The following IFI44 variants were observed in gnomAD, a reference collection of about 807,000 sequenced individuals.
IFI44 encodes interferon induced protein 44.
Under a neutral mutation model 45.0 loss-of-function variants are expected in IFI44, and 42 were observed. That is an observed-to-expected ratio of 0.93 (90% CI 0.73 to 1.21). The LOEUF (loss-of-function observed/expected upper bound fraction) is 1.21. IFI44 is among the 50% of genes most tolerant of loss of function. IFI44 has a pLI of 0.00. For synonymous variants in IFI44, 221 were observed against 188.6 expected (o/e 1.17, Z -1.41); for missense variants, 623 against 525.8 (o/e 1.18, Z -1.81).
intron 2 of IFI44, among the ~76,000 whole-genome samples, chr1:78,651,910 A>C (rs1647130225): frequency 6.6e-6 from 1 of 152,166 alleles, no homozygotes; most frequent in South Asian, 2.1e-4. Context: ...GAGTACTTAG[A>C]TATTCTGTGT....
chr1:78,656,507 G>A (rs1021256126), intron 5 of IFI44, among the ~76,000 whole-genome samples: 5 of 152,004 alleles, frequency 3.3e-5, no homozygotes, highest in Non-Finnish European at 4.4e-5. Context: ...TTTCATGACA[G>A]CATTTTAATT....
At chr1:78,656,645 T>G (rs2100455688) in intron 5 of IFI44, among the ~76,000 whole-genome samples, 1 of 151,992 alleles carries the variant, frequency 6.6e-6, no homozygotes, top group East Asian at 1.9e-4. Flanking sequence ...TTTTCATACA[T>G]AGGCCTTTTC....
intron 5 of IFI44, among the ~76,000 whole-genome samples, chr1:78,658,214 A>G (rs1183065533): frequency 6.6e-6 from 1 of 152,100 alleles, no homozygotes; most frequent in Admixed American, 6.6e-5. Flanking sequence ...TCTCAAAAAC[A>G]CTGGAGGTAA....
In IFI44 at chr1:78,650,604, C is replaced by A; in HGVS notation, c.409C>A (p.Gln137Lys). ...LKTMENLGLA[Q>K]NCTISIQDYE... ...GACAATGGAAAATCTTGGACTTGCT[C>A]AAAATTGTACTATCTCTATTCAGGA... The change falls in exon 2 of 9, where the codon CAA becomes AAA. Residue 137 changes from glutamine (Q) to lysine (K), a missense_variant. Gln to Lys is a moderately conservative substitution (Grantham distance 53). Transcript: ENST00000370747. 2.5e-6 allele frequency: 4 copies of A among 1,608,998 alleles called. No homozygotes were observed. In the South Asian group the frequency reaches 4.4e-5, roughly 18 times the overall value.
intron 3 of IFI44, 76 bp downstream of exon 3, chr1:78,654,355 A>C (rs1441166208): frequency 2.6e-6 from 2 of 760,838 alleles, no homozygotes; most frequent in Admixed American, 2.2e-5. Flanking sequence ...TCATCAATAT[A>C]ATTGGCAACA....
chr1:78,663,229 G>A (rs3766325), intron 8 of IFI44: 582,237 of 984,494 alleles, frequency 0.59, 172,959 homozygotes, highest in African/African-American at 0.71. Flanking sequence ...GGATTGGATT[G>A]GCATTGCTCC....
At position 78,653,051 on chromosome 1, in the gene IFI44, A is replaced by C. The variant is rs565815204; in HGVS notation, c.458-1192A>C. On this transcript the variant is annotated intron_variant, in intron 2 of 8. Coordinates refer to ENST00000370747, the MANE Select transcript of IFI44 (RefSeq NM_006417.5). ...CATTTAGCAAATTTGTCTTTCTTTG[A>C]TAAAACAAGATAATTATTTATTTTA... is the stretch of plus-strand genomic sequence containing the variant. 6.8e-4 allele frequency among the ~76,000 whole-genome samples: 104 copies of C among 152,196 alleles called. 1 individual carries two copies. Among genetic ancestry groups the C allele is most frequent in the African/African-American group, 2.3e-3 (97 of 41,554 alleles).
chr1:78,663,379 C>T (rs1394098965), intron 8 of IFI44: 11 of 985,162 alleles, frequency 1.1e-5, no homozygotes, highest in Non-Finnish European at 1.3e-5. Flanking sequence ...GAGGTATGTC[C>T]TTTTATGTAA....
intron 6 of IFI44, 48 bp downstream of exon 6, chr1:78,659,531 G>A (rs1647333159): frequency 7.0e-7 from 1 of 1,426,378 alleles, no homozygotes; most frequent in Non-Finnish European, 9.8e-7. Flanking sequence ...AAGGGTAATT[G>A]ACTAGACTGT....
intron 5 of IFI44, among the ~76,000 whole-genome samples, chr1:78,656,098 G>A (rs1031311993): frequency 1.2e-4 from 18 of 152,170 alleles, no homozygotes; most frequent in Admixed American, 6.5e-5. Flanking sequence ...ACCGTGACTA[G>A]AAACTGAATC....
chr1:78,662,112 C>T (rs1647492605), intron 7 of IFI44, among the ~76,000 whole-genome samples: 1 of 152,104 alleles, frequency 6.6e-6, no homozygotes, highest in African/African-American at 2.4e-5. Flanking sequence ...TCAAAAGGAA[C>T]CTGGAGGTGG....
chr1:78,657,177 A>C (rs964706106), intron 5 of IFI44, among the ~76,000 whole-genome samples: 1 of 152,054 alleles, frequency 6.6e-6, no homozygotes, highest in Admixed American at 6.6e-5. Flanking sequence ...TATCAAATAC[A>C]ACTCAATGTT....
rs755121262 is a variant in IFI44 at position 78,662,814 on chromosome 1, T to C, written c.1224T>C (p.Ser408=). Residue 408 remains serine, a synonymous_variant, in exon 8 of 9, where the codon TCT becomes TCC. Transcript: ENST00000370747. ...CTGTAAAGGATGTTCTAATTCTTTCTGCTCTGAGACGAATGCTATGGGCTG... is the reference window on the plus strand; with the variant it reads ...CTGTAAAGGATGTTCTAATTCTTTCCGCTCTGAGACGAATGCTATGGGCTG... ...LDPVKDVLIL[S]ALRRMLWAAD... The C allele has an allele frequency of 6.2e-7, 1 of 1,614,004 alleles. No individual in the cohort carries two copies. The highest frequency in any genetic ancestry group is 1.1e-5 in the South Asian group (1 of 91,082).
rs368158057 is a variant in IFI44 at position 78,663,854 on chromosome 1, T to C, written c.*43T>C. Reference sequence around the variant, plus strand: ...GTAAATTTCCTCACATCACAGAAGATTAAAATTCAGAAAGGAGAAAACACA... The same window carrying C: ...GTAAATTTCCTCACATCACAGAAGACTAAAATTCAGAAAGGAGAAAACACA... On this transcript the variant is annotated 3_prime_UTR_variant, in exon 9 of 9. Coordinates refer to ENST00000370747, the MANE Select transcript of IFI44 (RefSeq NM_006417.5). The C allele has an allele frequency of 2.1e-4, 329 of 1,586,362 alleles. 2 individuals carry two copies. Among genetic ancestry groups the C allele is most frequent in the African/African-American group, 2.0e-4 (15 of 73,804 alleles).
At chr1:78,653,438 A>G (rs1369824401) in intron 2 of IFI44, among the ~76,000 whole-genome samples, 1 of 152,180 alleles carries the variant, frequency 6.6e-6, no homozygotes, top group Non-Finnish European at 1.5e-5. Flanking sequence ...AAGTTTTCAT[A>G]ATTTCTACTA....
At position 78,663,800 on chromosome 1, in the gene IFI44, G is replaced by C. The variant is rs749102210; in HGVS notation, c.1324G>C (p.Gly442Arg). Residue 442 changes from glycine to arginine, a missense_variant, in exon 9 of 9, where the codon GGA becomes CGA. By Grantham distance (125) the Gly-to-Arg change is moderately radical. Transcript: ENST00000370747. ...LREEIINCAQ[G>R]KK ...GGAGGAAATTATCAACTGTGCACAA[G>C]GAAAAAAATAGATATGTGAAAGGTT... 5 of 1,610,122 alleles carry C rather than the reference G, an allele frequency of 3.1e-6. No homozygotes were observed. Among genetic ancestry groups the C allele is most frequent in the African/African-American group, 2.7e-5 (2 of 74,614 alleles).
At chr1:78,658,978 T>A (rs977612302) in intron 5 of IFI44, among the ~76,000 whole-genome samples, 8 of 152,174 alleles carry the variant, frequency 5.3e-5, no homozygotes, top group Admixed American at 1.3e-4. Context: ...ACCAGCTTTT[T>A]TTTCTGAATG....
At position 78,656,090 on chromosome 1, in the gene IFI44, C is replaced by A. The variant is rs371312267; in HGVS notation, c.840+579C>A. 4.7e-4 allele frequency among the ~76,000 whole-genome samples: 71 copies of A among 152,192 alleles called. 1 individual carries two copies. The highest frequency in any genetic ancestry group is 4.6e-3 in the East Asian group (24 of 5,176). On this transcript the variant is annotated intron_variant, in intron 5 of 8. Transcript: ENST00000370747. Reference sequence around the variant, plus strand: ...ACTCTCTATAAACCAGGAAGAGGACCGTGACTAGAAACTGAATCTTCTGGC... The same window carrying A: ...ACTCTCTATAAACCAGGAAGAGGACAGTGACTAGAAACTGAATCTTCTGGC...
Position 78,650,130 on chromosome 1 carries a change from C to T in IFI44, c.-10-56C>T, listed in dbSNP as rs1647096981. Reference sequence around the variant, plus strand: ...AGAGGCATAAATGCAAATTTTATAACTACATATTATCTGTTTTTTAATATT... The same window carrying T: ...AGAGGCATAAATGCAAATTTTATAATTACATATTATCTGTTTTTTAATATT... On this transcript the variant is annotated intron_variant, in intron 1 of 8. Coordinates refer to ENST00000370747, the MANE Select transcript of IFI44 (RefSeq NM_006417.5). 4 of 1,267,672 alleles carry T rather than the reference C, an allele frequency of 3.2e-6. No homozygotes were observed. In the South Asian group the frequency reaches 6.4e-5, roughly 20 times the overall value. The allele number at this position is 1,267,672 out of a possible 1,614,324, so 78.5% of individuals were successfully genotyped here.
Sources: gnomAD v4.1 joint callset for allele counts (sites outside exome capture counted in the v4.1 genomes callset) on GRCh38, gnomAD v4.1.1 for gene constraint, MANE v1.5 for transcripts, NCBI Gene and HGNC (gene_info 2026-07-23, HGNC 2026-07-21) for gene names.